The following TAMM41 variants were observed in gnomAD, a reference collection of about 807,000 sequenced individuals.
TAMM41 encodes the protein TAM41 mitochondrial translocator assembly and maintenance homolog.
Under a neutral mutation model 44.1 loss-of-function variants are expected in TAMM41, and 36 were observed. The observed-to-expected ratio is 0.82, with a 90% CI of 0.63 to 1.08. TAMM41 has a LOEUF of 1.08. Ranked by LOEUF, TAMM41 falls within the 50% of genes least tolerant of loss-of-function variation. The pLI, the probability that TAMM41 is intolerant of heterozygous loss-of-function variation, is 0.00. For missense variants in TAMM41, 417 were observed against 404.3 expected (o/e 1.03, Z -0.27); for synonymous variants, 164 against 153.1 (o/e 1.07, Z -0.53).
the TAMM41 span, among the ~76,000 whole-genome samples, chr3:11,758,179 G>A: frequency 6.6e-6 from 1 of 152,178 alleles, no homozygotes; most frequent in African/African-American, 2.4e-5. Flanking sequence ...GTTGTCTGGA[G>A]GTTAGAGAGC....
chr3:11,846,490 GCC>G lies in TAMM41; in HGVS notation c.135+10_135+11del. 6.2e-7 allele frequency: 1 copy of G among 1,614,036 alleles called. No homozygotes were observed. The highest frequency in any genetic ancestry group is 8.5e-7 in the Non-Finnish European group (1 of 1,179,958). ...ACAGACAGTTCCCCGTCGTGGGGCT[GCC>G]CGGGCTCACCTTCTGGTCTGAACTC... On this transcript the variant is annotated intron_variant, in intron 1 of 7. Coordinates refer to ENST00000455809, the MANE Select transcript of TAMM41 (RefSeq NM_001284401.2).
intron 4 of TAMM41, among the ~76,000 whole-genome samples, chr3:11,821,642 G>C (rs2078524540): frequency 6.6e-6 from 1 of 152,230 alleles, no homozygotes; most frequent in Non-Finnish European, 1.5e-5. Flanking sequence ...TAGTAAAGCA[G>C]ATACTACTTA....
At chr3:11,813,019 G>C (rs966383759) in intron 5 of TAMM41, among the ~76,000 whole-genome samples, 1 of 152,202 alleles carries the variant, frequency 6.6e-6, no homozygotes, top group African/African-American at 2.4e-5. Context: ...AAAAGAAACT[G>C]ATGCGAAACT....
chr3:11,827,469 C>T (rs188724199), intron 4 of TAMM41, among the ~76,000 whole-genome samples: 1 of 151,588 alleles, frequency 6.6e-6, no homozygotes. Context: ...ACCACCACGC[C>T]TGACTAATTT....
chr3:11,804,868 ATT>A (rs72142106), intron 7 of TAMM41, among the ~76,000 whole-genome samples: 13 of 145,404 alleles, frequency 8.9e-5, no homozygotes, highest in South Asian at 2.2e-4. Flanking sequence ...TATTATTATA[ATT>A]TTTTTTTTTT....
chr3:11,804,024 T>C (rs2077830500), intron 7 of TAMM41, among the ~76,000 whole-genome samples: 1 of 152,146 alleles, frequency 6.6e-6, no homozygotes, highest in Non-Finnish European at 1.5e-5. Flanking sequence ...AAGCCCAGAC[T>C]TCACCATGTA....
At chr3:11,802,661 A>G (rs532921191) in intron 7 of TAMM41, among the ~76,000 whole-genome samples, 7 of 152,324 alleles carry the variant, frequency 4.6e-5, no homozygotes, top group Admixed American at 3.3e-4. Context: ...ACTATTCTAA[A>G]AAGATCAAGG....
At chr3:11,739,241 A>G in the TAMM41 span, among the ~76,000 whole-genome samples, 1 of 152,172 alleles carries the variant, frequency 6.6e-6, no homozygotes, top group Admixed American at 6.5e-5. Context: ...CCAGAGTTAC[A>G]TTCTTGCCTC....
chr3:11,738,341 A>T, the TAMM41 span, among the ~76,000 whole-genome samples: 1 of 152,184 alleles, frequency 6.6e-6, no homozygotes, highest in African/African-American at 2.4e-5. Flanking sequence ...AGTATCTCTG[A>T]GCCTTAATTT....
At chr3:11,723,506 A>G in the TAMM41 span, among the ~76,000 whole-genome samples, 2 of 151,354 alleles carry the variant, frequency 1.3e-5, no homozygotes, top group Admixed American at 6.6e-5. Flanking sequence ...ACCTGAGTCC[A>G]GGAAGTTGAG....
chr3:11,809,477 C>T, intron 6 of TAMM41, 40 bp downstream of exon 6: 1 of 1,608,830 alleles, frequency 6.2e-7, no homozygotes. Flanking sequence ...TGCTTTTCCC[C>T]ATGGCTGGCA....
At chr3:11,727,946 C>T in the TAMM41 span, among the ~76,000 whole-genome samples, 4 of 151,898 alleles carry the variant, frequency 2.6e-5, no homozygotes, top group African/African-American at 9.7e-5. Context: ...ACCTCCACAC[C>T]TGGCTAATTT....
At chr3:11,731,675 G>T in the TAMM41 span, among the ~76,000 whole-genome samples, 4 of 152,136 alleles carry the variant, frequency 2.6e-5, no homozygotes, top group African/African-American at 9.7e-5. Flanking sequence ...TTTCCAGGGT[G>T]GGAGAGAGGC....
chr3:11,836,576 G>T (rs962947549), intron 3 of TAMM41, among the ~76,000 whole-genome samples: 1 of 152,230 alleles, frequency 6.6e-6, no homozygotes, highest in Non-Finnish European at 1.5e-5. Context: ...TGGTTCTCCT[G>T]CCTCAGCCTC....
At chr3:11,771,471 T>C in the TAMM41 span, 1 of 152,226 alleles carries the variant, frequency 6.6e-6, no homozygotes, top group African/African-American at 2.4e-5. Context: ...CTCTGTTGCC[T>C]CATTTGTTTG....
At chr3:11,733,773 G>A in the TAMM41 span, among the ~76,000 whole-genome samples, 1 of 151,926 alleles carries the variant, frequency 6.6e-6, no homozygotes, top group Non-Finnish European at 1.5e-5. Flanking sequence ...AGGATTACAG[G>A]CGTGAGCCAC....
chr3:11,808,371 T>C, intron 6 of TAMM41: 4 of 998,634 alleles, frequency 4.0e-6, no homozygotes, highest in Non-Finnish European at 4.8e-6. Context: ...GTTGCCAGGA[T>C]CATGTTCAAA....
At chr3:11,818,155 T>C (rs1227714364) in intron 4 of TAMM41, among the ~76,000 whole-genome samples, 1 of 152,202 alleles carries the variant, frequency 6.6e-6, no homozygotes, top group Admixed American at 6.5e-5. Flanking sequence ...GAAAGCAATG[T>C]GGCTGAATCC....
the TAMM41 span, among the ~76,000 whole-genome samples, chr3:11,782,229 G>A: frequency 6.6e-6 from 1 of 152,150 alleles, no homozygotes; most frequent in Non-Finnish European, 1.5e-5. Context: ...CTGTAATCCT[G>A]TTTTCTTGGT....
Sources: gnomAD v4.1 joint callset for allele counts (sites outside exome capture counted in the v4.1 genomes callset) on GRCh38, gnomAD v4.1.1 for gene constraint, MANE v1.5 for transcripts, NCBI Gene and HGNC (gene_info 2026-07-23, HGNC 2026-07-21) for gene names.